Variants in NTAQ1 observed in about 807,000 individuals in gnomAD.
NTAQ1 encodes N-terminal glutamine amidase 1.
In NTAQ1, 21 loss-of-function variants were observed where a neutral mutation model predicts 28.2. That is an observed-to-expected ratio of 0.74 (90% CI 0.53 to 1.07). The LOEUF (loss-of-function observed/expected upper bound fraction) is 1.07. Among genes scored for constraint, NTAQ1 ranks in the 50% least tolerant of loss-of-function variants. The pLI is 0.00. For synonymous variants in NTAQ1, 105 were observed against 90.0 expected, an observed-to-expected ratio of 1.17 and a Z score of -0.94; for missense variants, 264 against 256.6, an observed-to-expected ratio of 1.03 and a Z score of -0.20.
chr8:123,445,586 G>A (rs1815246905), downstream of NTAQ1, among the ~76,000 whole-genome samples: 1 of 151,882 alleles, frequency 6.6e-6, no homozygotes, highest in Admixed American at 6.6e-5. Flanking sequence ...AAATTTCCAA[G>A]GTGAATTTTT....
At chr8:123,448,817 A>C (rs1396538215), downstream of NTAQ1, among the ~76,000 whole-genome samples, 1 of 152,168 alleles carries the variant, frequency 6.6e-6, no homozygotes, top group Non-Finnish European at 1.5e-5. Context: ...CTGTGTTCTC[A>C]TTTAGGGTTC....
In NTAQ1 at chr8:123,441,287, T is replaced by C. The variant is rs1815050996; in HGVS notation, c.509-19T>C. 1 of 1,581,222 alleles carries C rather than the reference T, an allele frequency of 6.3e-7. No individual in the cohort carries two copies. The highest frequency in any genetic ancestry group is 2.4e-5 in the East Asian group (1 of 41,892). The stretch of plus-strand genomic sequence containing the variant: ...AATTGTGTTTTCAGTGGACATTTTT[T>C]TTTCATATATTTTTTTAGATTCCAA... On this transcript the variant is annotated intron_variant, in intron 5 of 5. Transcript: ENST00000287387.
chr8:123,440,653 C>T (rs1414235266), intron 5 of NTAQ1, among the ~76,000 whole-genome samples: 1 of 151,780 alleles, frequency 6.6e-6, no homozygotes. Context: ...AGGTGTGCCA[C>T]CATACCCAGC....
chr8:123,448,289 A>G (rs1218407234), downstream of NTAQ1: 1 of 152,244 alleles, frequency 6.6e-6, no homozygotes, highest in Non-Finnish European at 1.5e-5. Flanking sequence ...GCATGTAACG[A>G]TATTTTTAGC....
At chr8:123,437,976 C>G (rs534339850) in intron 5 of NTAQ1, among the ~76,000 whole-genome samples, 45 of 152,288 alleles carry the variant, frequency 3.0e-4, no homozygotes, top group Admixed American at 2.7e-3. Context: ...CTAGTAGCAC[C>G]TTGCCATGGT....
intron 3 of NTAQ1, among the ~76,000 whole-genome samples, chr8:123,430,362 C>A (rs3886815): frequency 0.36 from 55,153 of 152,102 alleles, 10,118 homozygotes; most frequent in East Asian, 0.56. Context: ...TAGTTTTCGG[C>A]TGGGCGCGGT....
At chr8:123,439,700 G>A (rs1814932639) in intron 5 of NTAQ1, among the ~76,000 whole-genome samples, 1 of 151,988 alleles carries the variant, frequency 6.6e-6, no homozygotes, top group South Asian at 2.1e-4. Flanking sequence ...ATGTGGGCTA[G>A]GCTGGTCTTG....
At chr8:123,448,161 A>C (rs1280980110), downstream of NTAQ1, 1 of 152,236 alleles carries the variant, frequency 6.6e-6, no homozygotes, top group Non-Finnish European at 1.5e-5. Context: ...CTGCCTAAAT[A>C]GTATATTGTG....
chr8:123,458,162 C>T (rs1164103370), intron 6 of NTAQ1, among the ~76,000 whole-genome samples: 2 of 138,782 alleles, frequency 1.4e-5, no homozygotes, highest in African/African-American at 5.4e-5. Flanking sequence ...TCTGGAACTC[C>T]TGGACTCAAG....
chr8:123,470,046 T>C (rs559866385), downstream of NTAQ1, among the ~76,000 whole-genome samples: 1 of 152,186 alleles, frequency 6.6e-6, no homozygotes, highest in Non-Finnish European at 1.5e-5. Context: ...GTCCCCATGA[T>C]GGGATTAGTG....
At chr8:123,464,255 G>C (rs1815909002) in intron 6 of NTAQ1, among the ~76,000 whole-genome samples, 1 of 152,164 alleles carries the variant, frequency 6.6e-6, no homozygotes, top group Admixed American at 6.5e-5. Context: ...CCAGTCAATG[G>C]ATGCAGGTTG....
chr8:123,445,296 C>A (rs988776994), downstream of NTAQ1, among the ~76,000 whole-genome samples: 2 of 150,898 alleles, frequency 1.3e-5, no homozygotes, highest in African/African-American at 4.9e-5. Context: ...ATGGTAGCAT[C>A]CTAAACATAT....
chr8:123,418,033 A>T (rs1055452354), intron 1 of NTAQ1, among the ~76,000 whole-genome samples: 1 of 152,170 alleles, frequency 6.6e-6, no homozygotes, highest in Non-Finnish European at 1.5e-5. Flanking sequence ...TGTTTTATTC[A>T]TTCATTCAAT....
chr8:123,461,237 C>A (rs757860000), intron 6 of NTAQ1, among the ~76,000 whole-genome samples: 4 of 152,110 alleles, frequency 2.6e-5, no homozygotes, highest in Non-Finnish European at 4.4e-5. Flanking sequence ...TGCACCATCT[C>A]CCAGGGTCCC....
At chr8:123,418,348 A>G (rs1771038832) in intron 1 of NTAQ1, among the ~76,000 whole-genome samples, 2 of 151,766 alleles carry the variant, frequency 1.3e-5, no homozygotes, top group African/African-American at 2.4e-5. Context: ...CTACTCGGGA[A>G]GCTGAGGCAG....
chr8:123,448,306 A>G (rs13265801), downstream of NTAQ1: 55,164 of 152,170 alleles, frequency 0.36, 10,116 homozygotes, highest in East Asian at 0.56. Context: ...TAGCTGGGTC[A>G]GAAATAAGAA....
chr8:123,457,757 G>A (rs1390154715), intron 6 of NTAQ1, among the ~76,000 whole-genome samples: 2 of 152,046 alleles, frequency 1.3e-5, no homozygotes, highest in Non-Finnish European at 1.5e-5. Context: ...GAATTGACTG[G>A]GCGCAGTGGC....
At chr8:123,420,891 G>A (rs181939703) in intron 1 of NTAQ1, among the ~76,000 whole-genome samples, 152 of 149,020 alleles carry the variant, frequency 1.0e-3, no homozygotes, top group Non-Finnish European at 1.7e-3. Flanking sequence ...CTGGGTTCAA[G>A]CGGTTCTGCT....
downstream of NTAQ1, among the ~76,000 whole-genome samples, chr8:123,449,032 G>C (rs13275733): frequency 0.36 from 54,901 of 151,792 alleles, 9,999 homozygotes; most frequent in East Asian, 0.56. Flanking sequence ...ACCCTTACCT[G>C]TACTCTCTTA....
Sources: gnomAD v4.1 joint callset for allele counts (sites outside exome capture counted in the v4.1 genomes callset) on GRCh38, gnomAD v4.1.1 for gene constraint, MANE v1.5 for transcripts, NCBI Gene and HGNC (gene_info 2026-07-23, HGNC 2026-07-21) for gene names.